PLXNA4: variants seen among roughly 807,000 people sequenced by gnomAD.
PLXNA4 encodes plexin-A4.
Under a neutral mutation model 191.8 loss-of-function variants are expected in PLXNA4, and 44 were observed. The observed-to-expected ratio is 0.23, with a 90% CI of 0.18 to 0.29. The LOEUF is 0.29. Among genes scored for constraint, PLXNA4 ranks in the 10% least tolerant of loss-of-function variants. The pLI is 1.00. For missense variants in PLXNA4, 1,800 were observed against 2,488.8 expected (o/e 0.72, Z 5.89); for synonymous variants, 1,082 against 1,009.5 (o/e 1.07, Z -1.36).
intron 31 of PLXNA4, among the ~76,000 whole-genome samples, chr7:132,132,425 CTGT>C (rs1276099453): frequency 1.4e-5 from 1 of 74,026 alleles, no homozygotes. Flanking sequence ...CTGTTCTGTT[CTGT>C]TCTGTTCTGT....
chr7:132,564,153 TCTCCTCCTCCTTCTC>T (rs1801589800), intron 1 of PLXNA4, among the ~76,000 whole-genome samples: 2 of 78,740 alleles, frequency 2.5e-5, no homozygotes, highest in Non-Finnish European at 2.5e-5. Context: ...TCCTCCTCCT[TCTCCTCCTCCTTCTC>T]CTCTTCCTCC....
intron 4 of PLXNA4, among the ~76,000 whole-genome samples, chr7:132,258,147 C>T (rs1799497647): frequency 1.3e-5 from 2 of 152,264 alleles, no homozygotes; most frequent in Non-Finnish European, 2.9e-5. Flanking sequence ...CTCAGCAAAG[C>T]CTGGAGAGGG....
chr7:132,169,898 G>A (rs769431127), intron 21 of PLXNA4, among the ~76,000 whole-genome samples: 1 of 152,080 alleles, frequency 6.6e-6, no homozygotes, highest in Non-Finnish European at 1.5e-5. Context: ...GCCCCCAAGG[G>A]GGAGCTTCTG....
chr7:132,173,821 C>T (rs983755152), intron 21 of PLXNA4, among the ~76,000 whole-genome samples: 1 of 152,208 alleles, frequency 6.6e-6, no homozygotes. Flanking sequence ...TCCATCCAAG[C>T]TGTAAGGCAG....
intron 2 of PLXNA4, among the ~76,000 whole-genome samples, chr7:132,604,662 A>C (rs1403824994): frequency 6.7e-6 from 1 of 149,788 alleles, no homozygotes; most frequent in Non-Finnish European, 1.5e-5. Context: ...ATCTGACTTG[A>C]TATAATTACT....
intron 2 of PLXNA4, among the ~76,000 whole-genome samples, chr7:132,625,664 T>G (rs1803356307): frequency 6.6e-6 from 1 of 152,316 alleles, no homozygotes; most frequent in East Asian, 1.9e-4. Flanking sequence ...ACCAGCACTG[T>G]GCTGAGTGCT....
intron 3 of PLXNA4, among the ~76,000 whole-genome samples, chr7:132,336,396 T>C (rs909754346): frequency 2.0e-5 from 3 of 152,174 alleles, no homozygotes; most frequent in Non-Finnish European, 4.4e-5. Flanking sequence ...AGTTTTCACA[T>C]TGTATATCCT....
intron 3 of PLXNA4, among the ~76,000 whole-genome samples, chr7:132,448,118 C>T (rs943515505): frequency 7.2e-5 from 11 of 152,248 alleles, no homozygotes; most frequent in African/African-American, 2.4e-4. Context: ...AGGTTCCAAA[C>T]AGAGCTACGT....
At chr7:132,496,144 T>A (rs959924988) in intron 2 of PLXNA4, among the ~76,000 whole-genome samples, 6 of 152,180 alleles carry the variant, frequency 3.9e-5, no homozygotes, top group African/African-American at 1.4e-4. Flanking sequence ...AGGCATGACT[T>A]TGAGGAAGAG....
chr7:132,341,359 C>T (rs944521753), intron 3 of PLXNA4, among the ~76,000 whole-genome samples: 2 of 152,060 alleles, frequency 1.3e-5, no homozygotes, highest in Non-Finnish European at 2.9e-5. Flanking sequence ...AAAAAAAGGC[C>T]GGCAATTAAC....
intron 2 of PLXNA4, among the ~76,000 whole-genome samples, chr7:132,637,500 T>C (rs1346564393): frequency 6.6e-6 from 1 of 152,224 alleles, no homozygotes; most frequent in African/African-American, 2.4e-5. Flanking sequence ...GGAAGTGCTC[T>C]TTAACTGGGA....
At chr7:132,343,872 A>G (rs1291987978) in intron 3 of PLXNA4, among the ~76,000 whole-genome samples, 1 of 152,206 alleles carries the variant, frequency 6.6e-6, no homozygotes, top group African/African-American at 2.4e-5. Flanking sequence ...AGCTGAGATC[A>G]TGTTACTTCA....
At chr7:132,139,809 T>C (rs1300532255) in intron 30 of PLXNA4, among the ~76,000 whole-genome samples, 1 of 152,236 alleles carries the variant, frequency 6.6e-6, no homozygotes, top group African/African-American at 2.4e-5. Context: ...ATTCTGCATG[T>C]ATATTTCTTC....
chr7:132,513,091 G>A (rs977922503), intron 1 of PLXNA4, among the ~76,000 whole-genome samples: 1 of 152,148 alleles, frequency 6.6e-6, no homozygotes, highest in Non-Finnish European at 1.5e-5. Flanking sequence ...ATTTTGAGTA[G>A]TCTCAGGGGA....
At chr7:132,230,350 C>CA (rs1798484257) in intron 5 of PLXNA4, among the ~76,000 whole-genome samples, 1 of 152,230 alleles carries the variant, frequency 6.6e-6, no homozygotes, top group African/African-American at 2.4e-5. Flanking sequence ...ATGCCCCCTT[C>CA]ATATCCTTAG....
intron 4 of PLXNA4, among the ~76,000 whole-genome samples, chr7:132,255,392 C>A (rs1429875294): frequency 6.6e-6 from 1 of 152,204 alleles, no homozygotes; most frequent in East Asian, 1.9e-4. Context: ...ACACTCAACA[C>A]AGTCCTAGAC....
intron 1 of PLXNA4, among the ~76,000 whole-genome samples, chr7:132,522,157 C>G (rs1021355142): frequency 1.3e-5 from 2 of 152,146 alleles, no homozygotes; most frequent in African/African-American, 4.8e-5. Flanking sequence ...TCCACGGACA[C>G]AGACACAGCA....
chr7:132,428,645 C>T (rs746948144), intron 3 of PLXNA4, among the ~76,000 whole-genome samples: 99 of 152,088 alleles, frequency 6.5e-4, no homozygotes, highest in Non-Finnish European at 1.1e-3. Flanking sequence ...CAGCCTGGCT[C>T]CCGGTGGTCC....
intron 9 of PLXNA4, among the ~76,000 whole-genome samples, chr7:132,217,192 G>C (rs1351637858): frequency 6.6e-6 from 1 of 152,272 alleles, no homozygotes; most frequent in African/African-American, 2.4e-5. Context: ...GCTAATTGCA[G>C]AGGGCAGGAA....
Sources: gnomAD v4.1 joint callset for allele counts (sites outside exome capture counted in the v4.1 genomes callset) on GRCh38, gnomAD v4.1.1 for gene constraint, MANE v1.5 for transcripts, NCBI Gene and HGNC (gene_info 2026-07-23, HGNC 2026-07-21) for gene names.